The following CSMD1 variants were observed in gnomAD, a reference collection of about 807,000 sequenced individuals.
CSMD1 encodes CUB and sushi domain-containing protein 1.
In CSMD1, 213 loss-of-function variants were observed where a neutral mutation model predicts 417.5. The ratio of observed to expected loss-of-function variants is 0.51; its 90% confidence interval spans 0.46 to 0.57. CSMD1 has a LOEUF of 0.57. CSMD1 is among the 20% of genes least tolerant of loss of function. CSMD1 has a pLI of 0.00. For missense variants in CSMD1, 6,923 were observed against 4,529.7 expected (o/e 1.53, Z -15.17); for synonymous variants, 2,862 against 1,736.8 (o/e 1.65, Z -16.11).
intron 50 of CSMD1, among the ~76,000 whole-genome samples, chr8:3,040,284 A>G (rs1810997896): frequency 6.6e-6 from 1 of 151,800 alleles, no homozygotes; most frequent in South Asian, 2.1e-4. Context: ...CCTGGCTACT[A>G]TTAAGTAATA....
chr8:4,196,013 C>T (rs938990413), intron 3 of CSMD1, among the ~76,000 whole-genome samples: 1 of 152,014 alleles, frequency 6.6e-6, no homozygotes, highest in Non-Finnish European at 1.5e-5. Context: ...CGATCGAGAC[C>T]ATCCTGGCTA....
At chr8:4,006,758 A>C (rs1001600342) in intron 4 of CSMD1, among the ~76,000 whole-genome samples, 1 of 149,158 alleles carries the variant, frequency 6.7e-6, no homozygotes, top group African/African-American at 2.5e-5. Flanking sequence ...ACTCACCACT[A>C]TTTATTACGG....
chr8:4,214,970 G>C (rs1423213444), intron 3 of CSMD1, among the ~76,000 whole-genome samples: 1 of 152,108 alleles, frequency 6.6e-6, no homozygotes, highest in Non-Finnish European at 1.5e-5. Context: ...GTGAGATACA[G>C]GCACAGCTTA....
At chr8:4,775,157 G>A (rs563076901) in intron 1 of CSMD1, among the ~76,000 whole-genome samples, 1 of 151,826 alleles carries the variant, frequency 6.6e-6, no homozygotes, top group Non-Finnish European at 1.5e-5. Flanking sequence ...AAACCATGCA[G>A]TAATTCTAAT....
chr8:3,261,032 G>T (rs1028261497), intron 26 of CSMD1, among the ~76,000 whole-genome samples: 1 of 152,164 alleles, frequency 6.6e-6, no homozygotes, highest in African/African-American at 2.4e-5. Context: ...ACCTTTCACT[G>T]TAGAGGAAAC....
At chr8:4,807,788 T>C (rs538505059) in intron 1 of CSMD1, among the ~76,000 whole-genome samples, 3 of 152,256 alleles carry the variant, frequency 2.0e-5, no homozygotes, top group East Asian at 1.9e-4. Context: ...ATATCTGACA[T>C]AGAATAATGG....
At chr8:4,870,197 CTG>C (rs1346587775) in intron 1 of CSMD1, among the ~76,000 whole-genome samples, 4 of 152,020 alleles carry the variant, frequency 2.6e-5, no homozygotes, top group Non-Finnish European at 4.4e-5. Context: ...GAAAAAATAA[CTG>C]TTAATTCCCT....
At chr8:4,603,432 T>C (rs1439655025) in intron 2 of CSMD1, among the ~76,000 whole-genome samples, 1 of 152,082 alleles carries the variant, frequency 6.6e-6, no homozygotes, top group African/African-American at 2.4e-5. Flanking sequence ...AAAACTCCAT[T>C]CAGAATGTAC....
intron 1 of CSMD1, among the ~76,000 whole-genome samples, chr8:4,869,476 A>G (rs1193018047): frequency 1.3e-5 from 2 of 152,102 alleles, no homozygotes; most frequent in Admixed American, 6.5e-5. Flanking sequence ...ACCAGACTAT[A>G]TAATGCAGTC....
chr8:3,470,343 C>T (rs962528318), intron 11 of CSMD1, among the ~76,000 whole-genome samples: 2 of 152,014 alleles, frequency 1.3e-5, no homozygotes, highest in Non-Finnish European at 2.9e-5. Flanking sequence ...TTTCTAAATT[C>T]TTGAAATTTT....
intron 25 of CSMD1, among the ~76,000 whole-genome samples, chr8:3,306,224 C>T (rs1486569504): frequency 1.3e-5 from 2 of 151,796 alleles, no homozygotes; most frequent in East Asian, 3.9e-4. Flanking sequence ...GATAGGGTGG[C>T]TTTTCTGAAT....
intron 58 of CSMD1, among the ~76,000 whole-genome samples, chr8:2,966,301 A>G (rs922860770): frequency 1.3e-5 from 2 of 152,172 alleles, no homozygotes; most frequent in African/African-American, 4.8e-5. Flanking sequence ...CCAGTGGTCT[A>G]CAGACAAAGT....
chr8:3,990,063 A>G (rs1814628997), intron 5 of CSMD1, among the ~76,000 whole-genome samples: 1 of 152,226 alleles, frequency 6.6e-6, no homozygotes, highest in Non-Finnish European at 1.5e-5. Context: ...GAGAATGACT[A>G]AAATGGAGTG....
intron 2 of CSMD1, among the ~76,000 whole-genome samples, chr8:4,512,893 AG>A (rs2130353568): frequency 6.6e-6 from 1 of 152,260 alleles, no homozygotes; most frequent in South Asian, 2.1e-4. Flanking sequence ...AAGTGAAAGA[AG>A]TTAATTTGAA....
At chr8:4,282,331 T>C (rs1796832005) in intron 3 of CSMD1, among the ~76,000 whole-genome samples, 2 of 152,292 alleles carry the variant, frequency 1.3e-5, no homozygotes, top group South Asian at 2.1e-4. Context: ...AGGGTCAAGA[T>C]CATAACACAG....
chr8:3,297,547 C>A (rs570979447), intron 25 of CSMD1, among the ~76,000 whole-genome samples: 28 of 152,066 alleles, frequency 1.8e-4, no homozygotes, highest in African/African-American at 5.1e-4. Flanking sequence ...CTAATTTGTA[C>A]TATAGTGCAA....
intron 3 of CSMD1, among the ~76,000 whole-genome samples, chr8:4,145,784 C>G (rs1020431396): frequency 1.3e-5 from 2 of 151,056 alleles, no homozygotes; most frequent in Non-Finnish European, 2.9e-5. Context: ...CAGCTCGCAC[C>G]ATGAAGAGTT....
intron 5 of CSMD1, among the ~76,000 whole-genome samples, chr8:3,930,061 G>A (rs1484657807): frequency 2.0e-5 from 3 of 150,244 alleles, no homozygotes; most frequent in Non-Finnish European, 3.0e-5. Context: ...GGGGGTATGT[G>A]TTACCTAGGC....
At chr8:3,453,285 G>T (rs933744237) in intron 12 of CSMD1, among the ~76,000 whole-genome samples, 1 of 151,782 alleles carries the variant, frequency 6.6e-6, no homozygotes, top group Non-Finnish European at 1.5e-5. Flanking sequence ...CATTTTTTTT[G>T]AAGGGTTTTT....
Sources: allele counts gnomAD v4.1 joint callset (sites outside exome capture counted in the v4.1 genomes callset), GRCh38; gene constraint gnomAD v4.1.1; transcripts MANE v1.5; gene names NCBI Gene and HGNC (gene_info 2026-07-23, HGNC 2026-07-21).